DEPDC5: variants seen among roughly 807,000 people sequenced by gnomAD.
The protein encoded by DEPDC5 is DEP domain containing 5, GATOR1 subcomplex subunit.
A neutral mutation model predicts 217.3 loss-of-function variants in DEPDC5; 73 were observed. The ratio of observed to expected loss-of-function variants is 0.34; its 90% CI spans 0.28 to 0.41. The LOEUF (loss-of-function observed/expected upper bound fraction) is 0.41, where lower values mean the gene tolerates loss of function less well. Ranked by LOEUF, DEPDC5 falls within the 10% of genes least tolerant of loss-of-function variation. The probability of loss-of-function intolerance (pLI) is 1.00; values close to 1 mark genes in which losing one functional copy is unlikely to be tolerated. For missense variants in DEPDC5, 1,675 were observed against 2,070.1 expected (o/e 0.81, Z 3.70); for synonymous variants, 733 against 756.7 (o/e 0.97, Z 0.51).
At chr22:31,789,230 A>T (rs1464846164) in intron 10 of DEPDC5, among the ~76,000 whole-genome samples, 1 of 152,254 alleles carries the variant, frequency 6.6e-6, no homozygotes, top group Non-Finnish European at 1.5e-5. Context: ...AGGATAACAC[A>T]AATAACAAAT....
In DEPDC5 at chr22:31,758,602, G is replaced by A; in HGVS notation, c.115G>A (p.Val39Ile). 2 of 1,614,138 alleles carry A rather than the reference G, an allele frequency of 1.2e-6. No homozygotes were observed. Among genetic ancestry groups the A allele is most frequent in the African/African-American group, 1.3e-5 (1 of 75,028 alleles). ...CCCTCACATCAAGCTTGGAGACATT[G>A]TAGAGATTGCACACCCCAACGATGA... ...VFPHIKLGDIVEIAHPNDEYS... is the reference protein window; with the variant it reads ...VFPHIKLGDIIEIAHPNDEYS... The change falls in exon 3 of 43, where the codon GTA (valine) becomes ATA (isoleucine). Residue 39 changes from valine (V) to isoleucine (I), a missense_variant. Val to Ile is a conservative substitution (Grantham distance 29). Around this residue, in one of 11 missense-constraint regions of DEPDC5, gnomAD observed 628 missense variants for 762.1 expected, o/e 0.82. Coordinates refer to ENST00000651528, the MANE Select transcript of DEPDC5 (RefSeq NM_001242896.3).
At position 31,873,214 on chromosome 22, in the gene DEPDC5, C is replaced by T. The variant is rs573764781; in HGVS notation, c.3486-41C>T. On this transcript the variant is annotated intron_variant, in intron 34 of 42. Transcript: ENST00000651528. ...TAATATTCGTGCTCTTGACTGCATA[C>T]GTGCCATCTTGCTTTGCTGACCTGA... 53 of 1,613,536 alleles carry T rather than the reference C, an allele frequency of 3.3e-5. No homozygotes were observed. The Middle Eastern group carries it at 6.6e-4, about 20-fold the overall frequency.
intron 38 of DEPDC5, among the ~76,000 whole-genome samples, chr22:31,888,819 T>C (rs1169197851): frequency 6.6e-6 from 1 of 152,202 alleles, no homozygotes; most frequent in African/African-American, 2.4e-5. Flanking sequence ...GTGCTAAGAT[T>C]ACAGGCGTGA....
At chr22:31,893,300 G>A (rs1374514353) in intron 38 of DEPDC5, among the ~76,000 whole-genome samples, 1 of 152,126 alleles carries the variant, frequency 6.6e-6, no homozygotes, top group African/African-American at 2.4e-5. Flanking sequence ...AATACAGCCA[G>A]GCACCTTCAT....
intron 27 of DEPDC5, among the ~76,000 whole-genome samples, chr22:31,839,921 A>G (rs973306054): frequency 6.6e-6 from 1 of 152,188 alleles, no homozygotes; most frequent in African/African-American, 2.4e-5. Context: ...CCTTGAGCCC[A>G]GGAGTTCAAG....
intron 11 of DEPDC5, 186 bp from the exon 12 acceptor site, chr22:31,792,559 T>C: frequency 2.4e-6 from 1 of 422,826 alleles, no homozygotes; most frequent in Non-Finnish European, 3.9e-6. Context: ...TGAGCTGAGA[T>C]CTTACCACTG....
chr22:31,792,619 A>AT, intron 11 of DEPDC5, 126 bp from the exon 12 acceptor site: 1 of 577,970 alleles, frequency 1.7e-6, no homozygotes, highest in Non-Finnish European at 2.7e-6. Flanking sequence ...AAAAAAAAAA[A>AT]AAAAAAAAAA....
chr22:31,876,919 G>A (rs148109931), intron 37 of DEPDC5, among the ~76,000 whole-genome samples: 2,564 of 152,122 alleles, frequency 0.017, 66 homozygotes, highest in African/African-American at 0.059. Flanking sequence ...TTGGGAGGCC[G>A]AGGCTGGCAG....
rs745495846 is a variant in DEPDC5 at position 31,874,397 on chromosome 22, A to G, written c.3688A>G (p.Ile1230Val). The G allele has an allele frequency of 1.9e-6, 3 of 1,611,950 alleles. No individual in the cohort carries two copies. The highest frequency in any genetic ancestry group is 1.7e-5 in the Admixed American group (1 of 59,730). ...GIQTQAMAID[I>V]MQKMLEEQLI... ...CCAGACACAGGCGATGGCCATTGAC[A>G]TCATGCAGGTGAGACAGCAAGAGGG... is the stretch of plus-strand genomic sequence containing the variant. The change falls in exon 36 of 43, where the codon ATC becomes GTC. Residue 1230 changes from isoleucine (I) to valine (V), a missense_variant. Ile to Val is a conservative substitution (Grantham distance 29). Transcript: ENST00000651528.
In DEPDC5 at chr22:31,783,946, A is replaced by G; in HGVS notation, c.523A>G (p.Ile175Val). ...TACGTCGGCTATGGTTTACATATTTATTCAGATGAGCTGTGAAATGTGGGA... is the reference window on the plus strand; with the variant it reads ...TACGTCGGCTATGGTTTACATATTTGTTCAGATGAGCTGTGAAATGTGGGA... ...RSTSAMVYIF[I>V]QMSCEMWDFD... is the part of the protein sequence containing the mutation. Residue 175 changes from isoleucine (I) to valine (V), a missense_variant, in exon 9 of 43, where the codon ATT (isoleucine) becomes GTT (valine). Coordinates refer to ENST00000651528, the MANE Select transcript of DEPDC5 (RefSeq NM_001242896.3). 1 of 1,613,752 alleles carries G rather than the reference A, an allele frequency of 6.2e-7. No individual in the cohort carries two copies. Among genetic ancestry groups the G allele is most frequent in the Non-Finnish European group, 8.5e-7 (1 of 1,179,830 alleles).
chr22:31,836,696 G>A (rs1240210856), intron 25 of DEPDC5, among the ~76,000 whole-genome samples: 2 of 152,040 alleles, frequency 1.3e-5, no homozygotes, highest in Non-Finnish European at 2.9e-5. Flanking sequence ...CCTGCATTGC[G>A]GCTGCAGCTC....
intron 24 of DEPDC5, among the ~76,000 whole-genome samples, chr22:31,831,402 C>T (rs1681944080): frequency 6.6e-6 from 1 of 152,114 alleles, no homozygotes; most frequent in African/African-American, 2.4e-5. Flanking sequence ...CAAGCAGTTC[C>T]AAAAGAAAAG....
chr22:31,774,297 T>G (rs2083620043), intron 7 of DEPDC5, among the ~76,000 whole-genome samples: 1 of 149,258 alleles, frequency 6.7e-6, no homozygotes, highest in Non-Finnish European at 1.5e-5. Context: ...CCTCCCAGGC[T>G]CAAGCAATTC....
At chr22:31,844,839 G>T (rs2091629068) in intron 29 of DEPDC5, 179 bp from the exon 30 acceptor site, 1 of 679,878 alleles carries the variant, frequency 1.5e-6, no homozygotes, top group African/African-American at 1.8e-5. Flanking sequence ...ATAGGTGTGA[G>T]CCACCATGCC....
intron 7 of DEPDC5, chr22:31,769,310 A>G (rs1170967323): frequency 6.6e-6 from 1 of 152,324 alleles, no homozygotes; most frequent in African/African-American, 2.4e-5. Flanking sequence ...AAACCACAAA[A>G]TGCACTATAG....
chr22:31,904,597 A>T (rs2149441174), intron 41 of DEPDC5, among the ~76,000 whole-genome samples: 1 of 152,076 alleles, frequency 6.6e-6, no homozygotes, highest in East Asian at 1.9e-4. Flanking sequence ...ACAAAAATTA[A>T]CTGGTCATGG....
rs755645969 is a variant in DEPDC5, at chr22:31,802,689, T to C, written c.947-15T>C. 53 of 1,530,964 alleles carry C rather than the reference T, an allele frequency of 3.5e-5. No homozygotes were observed. Among genetic ancestry groups the C allele is most frequent in the Non-Finnish European group, 4.7e-5 (53 of 1,134,862 alleles). 94.8% of individuals were successfully genotyped at this position (1,530,964 alleles called of 1,614,324 possible). ...CTGTAACATCATTATTGTGGAATTT[T>C]TGTTTTATTTCTAGTGTTTGATAAG... On this transcript the variant is annotated splice_polypyrimidine_tract_variant and intron_variant, in intron 14 of 42. Transcript: ENST00000651528.
At chr22:31,755,616 C>G (rs933974029) in intron 2 of DEPDC5, 1 of 151,560 alleles carries the variant, frequency 6.6e-6, no homozygotes, top group South Asian at 2.1e-4. Flanking sequence ...GTTGCCCAGG[C>G]TAGTCTGGAA....
chr22:31,900,753 A>C (rs1359117223), intron 40 of DEPDC5, among the ~76,000 whole-genome samples: 2 of 151,850 alleles, frequency 1.3e-5, no homozygotes, highest in African/African-American at 2.4e-5. Flanking sequence ...AAGAAAAAAA[A>C]AAGTGGGGGT....
Sources: gnomAD v4.1 joint callset for allele counts (sites outside exome capture counted in the v4.1 genomes callset) on GRCh38, gnomAD v4.1.1 for gene constraint, gnomAD v4.1.1 regional missense constraint, MANE v1.5 for transcripts, NCBI Gene and HGNC (gene_info 2026-07-23, HGNC 2026-07-21) for gene names.